FRMD4A: variants seen among roughly 807,000 people sequenced by gnomAD.
FRMD4A encodes the protein FERM domain containing 4A.
FRMD4A carries 29 observed loss-of-function variants against 129.1 expected under a neutral mutation model. The observed-to-expected ratio is 0.22, with a 90% CI of 0.17 to 0.31. FRMD4A has a LOEUF of 0.31. Among genes scored for constraint, FRMD4A ranks in the 10% least tolerant of loss-of-function variants. The probability of loss-of-function intolerance (pLI) is 1.00; values close to 1 mark genes in which losing one functional copy is unlikely to be tolerated. For synonymous variants in FRMD4A, 634 were observed against 571.6 expected (o/e 1.11, Z -1.56); for missense variants, 1,272 against 1,375.8 (o/e 0.92, Z 1.19).
At chr10:13,958,900 A>G (rs1389262120) in intron 2 of FRMD4A, among the ~76,000 whole-genome samples, 11 of 152,120 alleles carry the variant, frequency 7.2e-5, no homozygotes, top group Admixed American at 7.2e-4. Flanking sequence ...TGCTTTTTAC[A>G]ATTATAACCA....
intron 2 of FRMD4A, among the ~76,000 whole-genome samples, chr10:14,043,000 A>G (rs1833845287): frequency 6.6e-6 from 1 of 151,962 alleles, no homozygotes; most frequent in South Asian, 2.1e-4. Context: ...TGGTGCAGAA[A>G]GAGAAAATCA....
chr10:14,220,814 G>GTGTT (rs1554788053), intron 2 of FRMD4A, among the ~76,000 whole-genome samples: 4 of 18,336 alleles, frequency 2.2e-4, no homozygotes, highest in African/African-American at 3.7e-4. Flanking sequence ...GTGTGTGTTT[G>GTGTT]TGTGTGTGTG....
intron 2 of FRMD4A, among the ~76,000 whole-genome samples, chr10:14,185,557 CTATT>C (rs1181409151): frequency 1.3e-5 from 2 of 152,136 alleles, no homozygotes; most frequent in African/African-American, 2.4e-5. Context: ...TAAAGCAAGA[CTATT>C]TAAAGGTTCA....
intron 2 of FRMD4A, among the ~76,000 whole-genome samples, chr10:14,078,398 T>C (rs187733435): frequency 6.6e-6 from 1 of 152,364 alleles, no homozygotes; most frequent in East Asian, 1.9e-4. Flanking sequence ...ATCTTCCGAC[T>C]TGTGTCAAAT....
intron 2 of FRMD4A, among the ~76,000 whole-genome samples, chr10:14,079,880 G>A (rs928636155): frequency 1.2e-4 from 18 of 152,222 alleles, no homozygotes; most frequent in Non-Finnish European, 2.2e-4. Context: ...GTGAGGGTCT[G>A]TGGTCAAGGA....
rs775972279 is a variant in FRMD4A, at chr10:13,811,884, GT to G, written c.112-977del. Among the ~76,000 whole-genome samples the G allele has an allele frequency of 4.5e-3, 606 of 134,742 alleles. 4 individuals are homozygous for G. The highest frequency in any genetic ancestry group is 0.015 in the South Asian group (63 of 4,120). The allele number at this position is 134,742 out of a possible 152,430, so 88.4% of individuals were successfully genotyped here. A position where few individuals can be genotyped will look rare whatever the true frequency, so the allele number is the denominator to read the frequency against. On this transcript the variant is annotated intron_variant, in intron 3 of 24. Transcript: ENST00000357447. Reference sequence around the variant, plus strand: ...AGGAAAGTTATTTCATTATCTGTTGGTTTTTTTTTTTTTTTTTGAGATGGAG... The same window carrying G: ...AGGAAAGTTATTTCATTATCTGTTGGTTTTTTTTTTTTTTTTGAGATGGAG...
At chr10:14,220,121 T>G (rs1019325461) in intron 2 of FRMD4A, among the ~76,000 whole-genome samples, 1 of 152,118 alleles carries the variant, frequency 6.6e-6, no homozygotes, top group African/African-American at 2.4e-5. Flanking sequence ...GAACTTACGT[T>G]CTAGTGATTA....
At chr10:14,284,931 G>A (rs892290172) in intron 2 of FRMD4A, among the ~76,000 whole-genome samples, 4 of 152,090 alleles carry the variant, frequency 2.6e-5, no homozygotes, top group Admixed American at 6.5e-5. Context: ...CCTTTCCTCT[G>A]TCCTACTACA....
chr10:14,115,092 C>T (rs763059964), intron 2 of FRMD4A, among the ~76,000 whole-genome samples: 5 of 152,244 alleles, frequency 3.3e-5, no homozygotes, highest in African/African-American at 4.8e-5. Context: ...ATTCCAGAGA[C>T]TGTGCTGTGT....
intron 2 of FRMD4A, among the ~76,000 whole-genome samples, chr10:14,015,074 TTC>T (rs1242790058): frequency 1.9e-4 from 25 of 131,538 alleles, no homozygotes; most frequent in East Asian, 1.3e-3. Flanking sequence ...CTGTCCTTCC[TTC>T]TCTCTCTCTC....
chr10:14,125,248 A>G (rs1838768243), intron 2 of FRMD4A, among the ~76,000 whole-genome samples: 1 of 152,182 alleles, frequency 6.6e-6, no homozygotes. Context: ...TGATAACAAT[A>G]TTAAACAATT....
chr10:14,231,588 C>T (rs945140308), intron 2 of FRMD4A, among the ~76,000 whole-genome samples: 1 of 152,148 alleles, frequency 6.6e-6, no homozygotes, highest in African/African-American at 2.4e-5. Flanking sequence ...CCTTTTGATC[C>T]GCCCATCTTG....
chr10:13,950,629 AC>A (rs1413206005), intron 2 of FRMD4A, among the ~76,000 whole-genome samples: 1 of 151,632 alleles, frequency 6.6e-6, no homozygotes, highest in Non-Finnish European at 1.5e-5. Context: ...TCTCTCTTCC[AC>A]CCTCCCCTTT....
intron 15 of FRMD4A, chr10:13,693,416 G>A (rs1449619310): frequency 1.5e-6 from 1 of 658,608 alleles, no homozygotes; most frequent in East Asian, 1.1e-4. Context: ...GCACTGAATG[G>A]AGAAATCATG....
intron 2 of FRMD4A, chr10:14,097,033 G>T (rs773280437): frequency 2.0e-5 from 3 of 148,562 alleles, no homozygotes; most frequent in Non-Finnish European, 4.4e-5. Context: ...TACTCAGGAG[G>T]ATGAAGCAGG....
At chr10:13,907,012 G>A (rs747371449) in intron 2 of FRMD4A, among the ~76,000 whole-genome samples, 3 of 152,098 alleles carry the variant, frequency 2.0e-5, no homozygotes, top group Non-Finnish European at 4.4e-5. Flanking sequence ...TATTATCCAC[G>A]CCCATAGGTC....
intron 2 of FRMD4A, among the ~76,000 whole-genome samples, chr10:14,218,986 A>C: frequency 8.2e-6 from 1 of 122,496 alleles, no homozygotes; most frequent in East Asian, 2.5e-4. Context: ...AAAAAAAAAA[A>C]AAAAAAAAAG....
chr10:13,878,820 G>GA, intron 2 of FRMD4A, among the ~76,000 whole-genome samples: 5 of 124,110 alleles, frequency 4.0e-5, no homozygotes, highest in Non-Finnish European at 6.8e-5. Context: ...GAGAGGGAGG[G>GA]AGGGAAGGAA....
chr10:13,827,908 C>T lies in FRMD4A; in HGVS notation c.112-17000G>A, dbSNP rs566674401. Reference sequence around the variant, plus strand: ...GCTGGGCTCAACTGCTGTCTGGCTGCTCCGAGCCCCTTGGGCTCGAAGCCC... The same window carrying T: ...GCTGGGCTCAACTGCTGTCTGGCTGTTCCGAGCCCCTTGGGCTCGAAGCCC... On this transcript the variant is annotated intron_variant, in intron 3 of 24. Transcript: ENST00000357447. Among the ~76,000 whole-genome samples the T allele has an allele frequency of 5.9e-5, 9 of 152,304 alleles. 1 individual carries two copies. Among genetic ancestry groups the T allele is most frequent in the African/African-American group, 2.2e-4 (9 of 41,570 alleles).
Sources: gnomAD v4.1 joint callset for allele counts (sites outside exome capture counted in the v4.1 genomes callset) on GRCh38, gnomAD v4.1.1 for gene constraint, MANE v1.5 for transcripts, NCBI Gene and HGNC (gene_info 2026-07-23, HGNC 2026-07-21) for gene names.